ADAMTSL1: variants seen among roughly 807,000 people sequenced by gnomAD.
ADAMTSL1 encodes the protein ADAMTS-like protein 1.
In ADAMTSL1, 126 loss-of-function variants were observed where a neutral mutation model predicts 201.8. The ratio of observed to expected loss-of-function variants is 0.62; its 90% confidence interval spans 0.54 to 0.72. The LOEUF (loss-of-function observed/expected upper bound fraction) is 0.72, where lower values mean the gene tolerates loss of function less well. ADAMTSL1 is among the 30% of genes least tolerant of loss of function. The pLI is 0.00. For synonymous variants in ADAMTSL1, 1,121 were observed against 903.4 expected, an observed-to-expected ratio of 1.24 and a Z score of -4.32; for missense variants, 2,679 against 2,277.8, an observed-to-expected ratio of 1.18 and a Z score of -3.59.
chr9:18,134,350 T>C (rs1288330822), intron 1 of ADAMTSL1, among the ~76,000 whole-genome samples: 1 of 152,198 alleles, frequency 6.6e-6, no homozygotes, highest in African/African-American at 2.4e-5. Context: ...ATTATTAATA[T>C]TATTAAGTTG....
intron 3 of ADAMTSL1, among the ~76,000 whole-genome samples, chr9:18,541,514 G>A (rs2153621): frequency 0.27 from 37,232 of 140,036 alleles, 5,168 homozygotes; most frequent in East Asian, 0.62. Flanking sequence ...CCATCTCAAA[G>A]AAAAAAAAAA....
intron 2 of ADAMTSL1, among the ~76,000 whole-genome samples, chr9:18,423,747 C>A (rs1258306799): frequency 6.6e-6 from 1 of 152,160 alleles, no homozygotes; most frequent in Non-Finnish European, 1.5e-5. Flanking sequence ...GGTGTTGAAG[C>A]CAAATCTCCT....
At chr9:18,303,657 G>C (rs1473730430) in intron 2 of ADAMTSL1, among the ~76,000 whole-genome samples, 1 of 152,206 alleles carries the variant, frequency 6.6e-6, no homozygotes, top group East Asian at 1.9e-4. Flanking sequence ...GTCAGGAGAG[G>C]AAGAGAGAGC....
chr9:18,741,777 T>A (rs1818842963), intron 15 of ADAMTSL1, among the ~76,000 whole-genome samples: 1 of 152,188 alleles, frequency 6.6e-6, no homozygotes, highest in Non-Finnish European at 1.5e-5. Flanking sequence ...GTCCCTCTAA[T>A]CCTCCTTTGC....
At chr9:18,171,494 C>T (rs1006809631) in intron 2 of ADAMTSL1, among the ~76,000 whole-genome samples, 1 of 151,990 alleles carries the variant, frequency 6.6e-6, no homozygotes, top group Non-Finnish European at 1.5e-5. Flanking sequence ...AAGGACAAGA[C>T]ACAAGCTGGA....
At chr9:18,532,711 C>CT (rs1190764007) in intron 2 of ADAMTSL1, among the ~76,000 whole-genome samples, 21 of 150,258 alleles carry the variant, frequency 1.4e-4, no homozygotes, top group African/African-American at 4.9e-5. Context: ...CAGGGGACTT[C>CT]TTTTTTTTTC....
At chr9:17,930,356 G>T (rs145533016) in intron 1 of ADAMTSL1, among the ~76,000 whole-genome samples, 177 of 152,190 alleles carry the variant, frequency 1.2e-3, no homozygotes, top group African/African-American at 4.1e-3. Context: ...AAGTTTTCTT[G>T]GGGGTAGTCC....
intron 1 of ADAMTSL1, among the ~76,000 whole-genome samples, chr9:18,113,082 A>T (rs893231639): frequency 2.0e-5 from 3 of 152,144 alleles, no homozygotes; most frequent in Non-Finnish European, 1.5e-5. Flanking sequence ...GGCAGTATGT[A>T]TGAAAGCTGA....
intron 2 of ADAMTSL1, among the ~76,000 whole-genome samples, chr9:18,405,417 A>G (rs1404684282): frequency 3.9e-5 from 6 of 152,200 alleles, no homozygotes; most frequent in African/African-American, 1.4e-4. Flanking sequence ...CAGGCAGCAG[A>G]TGGCAGGGGC....
chr9:18,197,632 C>T (rs1829239823), intron 2 of ADAMTSL1, among the ~76,000 whole-genome samples: 1 of 148,366 alleles, frequency 6.7e-6, no homozygotes, highest in African/African-American at 2.5e-5. Flanking sequence ...CAAACAGGGA[C>T]AATTTGACTT....
chr9:18,890,937 A>G (rs1829220313), intron 25 of ADAMTSL1: 2 of 127,288 alleles, frequency 1.6e-5, no homozygotes, highest in African/African-American at 2.1e-4. Context: ...ACTTCTGCAA[A>G]TGAAATAATG....
At chr9:18,622,499 G>T (rs1427709345) in intron 5 of ADAMTSL1, 130 bp downstream of exon 5, 1 of 1,370,046 alleles carries the variant, frequency 7.3e-7, no homozygotes, top group Non-Finnish European at 1.0e-6. Flanking sequence ...AATGTAGAAG[G>T]CTTCATGCTC....
At chr9:18,036,961 G>C (rs1175980303) in intron 1 of ADAMTSL1, among the ~76,000 whole-genome samples, 2 of 152,146 alleles carry the variant, frequency 1.3e-5, no homozygotes, top group African/African-American at 4.8e-5. Flanking sequence ...TAACCAATCT[G>C]TGCTTTCTGC....
intron 3 of ADAMTSL1, among the ~76,000 whole-genome samples, chr9:18,553,305 T>C (rs1445895264): frequency 6.6e-6 from 1 of 150,910 alleles, no homozygotes; most frequent in African/African-American, 2.4e-5. Flanking sequence ...TTACCCTAAC[T>C]TTTAATATGC....
At chr9:18,106,618 ATAAC>A (rs1165546589) in intron 1 of ADAMTSL1, among the ~76,000 whole-genome samples, 1 of 152,252 alleles carries the variant, frequency 6.6e-6, no homozygotes. Context: ...TATGATCAAA[ATAAC>A]AGAGTGTAGA....
At chr9:17,985,882 C>G (rs919464193) in intron 1 of ADAMTSL1, among the ~76,000 whole-genome samples, 4 of 152,008 alleles carry the variant, frequency 2.6e-5, no homozygotes, top group African/African-American at 9.7e-5. Flanking sequence ...AAATTGATAC[C>G]TGGAGAATCT....
intron 19 of ADAMTSL1, among the ~76,000 whole-genome samples, chr9:18,790,911 A>G (rs1821994495): frequency 6.6e-6 from 1 of 152,188 alleles, no homozygotes; most frequent in African/African-American, 2.4e-5. Context: ...TGTAGGTCTT[A>G]ATTGTACCCA....
intron 1 of ADAMTSL1, among the ~76,000 whole-genome samples, chr9:18,056,195 T>C (rs1380808014): frequency 1.3e-5 from 2 of 150,110 alleles, no homozygotes; most frequent in East Asian, 2.0e-4. Flanking sequence ...CAAATATCAA[T>C]ATCCAAAAAA....
chr9:18,035,170 T>G (rs1821137647), intron 1 of ADAMTSL1, among the ~76,000 whole-genome samples: 1 of 152,090 alleles, frequency 6.6e-6, no homozygotes, highest in Non-Finnish European at 1.5e-5. Flanking sequence ...GGACTGTGCA[T>G]AAAGAGAGCT....
Sources: allele counts gnomAD v4.1 joint callset (sites outside exome capture counted in the v4.1 genomes callset), GRCh38; gene constraint gnomAD v4.1.1; transcripts MANE v1.5; gene names NCBI Gene and HGNC (gene_info 2026-07-23, HGNC 2026-07-21).